PRR16: variants seen among roughly 807,000 people sequenced by gnomAD.
PRR16 encodes the protein proline rich 16, also known as protein Largen.
In PRR16, 6 loss-of-function variants were observed where a neutral mutation model predicts 18.2. The observed-to-expected ratio is 0.33, with a 90% CI of 0.18 to 0.65. The LOEUF (loss-of-function observed/expected upper bound fraction) is 0.65. PRR16 is among the 30% of genes least tolerant of loss of function. PRR16 has a pLI of 0.74. For missense variants in PRR16, 412 were observed against 376.6 expected (o/e 1.09, Z -0.78); for synonymous variants, 151 against 147.8 (o/e 1.02, Z -0.16).
chr5:120,676,018 C>G (rs1224066608), intron 1 of PRR16, among the ~76,000 whole-genome samples: 2 of 152,074 alleles, frequency 1.3e-5, no homozygotes, highest in Non-Finnish European at 2.9e-5. Flanking sequence ...TCCAAAAAAA[C>G]TTGGAAAAAA....
the PRR16 span, among the ~76,000 whole-genome samples, chr5:120,698,875 C>T: frequency 6.6e-6 from 1 of 152,040 alleles, no homozygotes; most frequent in Admixed American, 6.5e-5. Context: ...TACTAAGAGC[C>T]TGAAAAACTG....
chr5:120,790,492 G>A, the PRR16 span: 18 of 142,216 alleles, frequency 1.3e-4, no homozygotes, highest in Non-Finnish European at 2.3e-4. Flanking sequence ...GAGAAACATT[G>A]CAGCAATGCA....
At chr5:120,518,239 A>C (rs572339630) in intron 1 of PRR16, among the ~76,000 whole-genome samples, 22 of 152,246 alleles carry the variant, frequency 1.4e-4, no homozygotes, top group African/African-American at 5.3e-4. Flanking sequence ...AATACATCTT[A>C]ATTCTCATTA....
At chr5:120,779,685 A>C in the PRR16 span, among the ~76,000 whole-genome samples, 1 of 152,184 alleles carries the variant, frequency 6.6e-6, no homozygotes, top group African/African-American at 2.4e-5. Context: ...TAAATATTAG[A>C]GGGTATTTAC....
chr5:120,713,702 T>C, the PRR16 span, among the ~76,000 whole-genome samples: 1 of 152,172 alleles, frequency 6.6e-6, no homozygotes, highest in Admixed American at 6.6e-5. Context: ...CAGTAGTTTT[T>C]CCTCCTTTTC....
chr5:120,486,349 G>C (rs1454476070), intron 1 of PRR16, among the ~76,000 whole-genome samples: 1 of 150,564 alleles, frequency 6.6e-6, no homozygotes, highest in Non-Finnish European at 1.5e-5. Context: ...ATTCTAACTG[G>C]TGTCAGATGG....
chr5:120,767,262 T>C, the PRR16 span, among the ~76,000 whole-genome samples: 2 of 151,978 alleles, frequency 1.3e-5, no homozygotes, highest in African/African-American at 4.8e-5. Context: ...TCAGTCCAGA[T>C]TGCAGGATTT....
chr5:120,769,373 T>G, the PRR16 span, among the ~76,000 whole-genome samples: 2 of 149,532 alleles, frequency 1.3e-5, no homozygotes, highest in Admixed American at 1.3e-4. Context: ...ACACACAACA[T>G]GAGATCTACC....
chr5:120,725,301 TG>T, the PRR16 span, among the ~76,000 whole-genome samples: 42 of 93,996 alleles, frequency 4.5e-4, no homozygotes, highest in African/African-American at 1.4e-3. Flanking sequence ...AATTTGATGT[TG>T]TTTTTTTTTT....
the PRR16 span, among the ~76,000 whole-genome samples, chr5:120,741,130 T>A: frequency 3.0e-4 from 46 of 151,962 alleles, no homozygotes; most frequent in Non-Finnish European, 5.9e-4. Context: ...AAATTAAAAA[T>A]TTTTTTATAT....
At chr5:120,609,038 C>T (rs1754247995) in intron 1 of PRR16, among the ~76,000 whole-genome samples, 1 of 152,022 alleles carries the variant, frequency 6.6e-6, no homozygotes, top group Admixed American at 6.6e-5. Context: ...CCTAAAATGA[C>T]CACATCTTCT....
chr5:120,540,819 ACT>A (rs1751889518), intron 1 of PRR16, among the ~76,000 whole-genome samples: 1 of 151,784 alleles, frequency 6.6e-6, no homozygotes, highest in Non-Finnish European at 1.5e-5. Flanking sequence ...ATAGATCAAC[ACT>A]CTCTTTTTGC....
At chr5:120,751,663 C>G in the PRR16 span, among the ~76,000 whole-genome samples, 1 of 152,100 alleles carries the variant, frequency 6.6e-6, no homozygotes, top group East Asian at 1.9e-4. Flanking sequence ...ATTTGAATTA[C>G]TTCAAATATG....
intron 1 of PRR16, among the ~76,000 whole-genome samples, chr5:120,508,360 T>G (rs185103630): frequency 6.6e-6 from 1 of 152,218 alleles, no homozygotes; most frequent in African/African-American, 2.4e-5. Context: ...CTGAAAACAG[T>G]GTTGTTTGGG....
chr5:120,758,557 C>T, the PRR16 span, among the ~76,000 whole-genome samples: 10 of 152,094 alleles, frequency 6.6e-5, no homozygotes, highest in African/African-American at 2.4e-4. Context: ...TAGGAGGTGA[C>T]TGGATTATGG....
chr5:120,516,423 C>CAAAA (rs531146634), intron 1 of PRR16, among the ~76,000 whole-genome samples: 3 of 52,618 alleles, frequency 5.7e-5, no homozygotes, highest in Non-Finnish European at 1.3e-4. Flanking sequence ...GATTATGTCT[C>CAAAA]AAAAAAAAAA....
intron 1 of PRR16, among the ~76,000 whole-genome samples, chr5:120,655,281 C>G (rs919691538): frequency 6.6e-6 from 1 of 150,398 alleles, no homozygotes; most frequent in African/African-American, 2.4e-5. Context: ...GACATTAAGT[C>G]TATAAAATTT....
the PRR16 span, among the ~76,000 whole-genome samples, chr5:120,701,578 A>C: frequency 6.6e-6 from 1 of 152,232 alleles, no homozygotes; most frequent in Middle Eastern, 3.4e-3. Context: ...GGAGGTGATA[A>C]AAAGATTATA....
chr5:120,735,161 T>A, the PRR16 span, among the ~76,000 whole-genome samples: 1 of 152,204 alleles, frequency 6.6e-6, no homozygotes, highest in African/African-American at 2.4e-5. Context: ...GTCCTCAAAG[T>A]TCATTCATGT....
Sources: gnomAD v4.1 joint callset for allele counts (sites outside exome capture counted in the v4.1 genomes callset) on GRCh38, gnomAD v4.1.1 for gene constraint, MANE v1.5 for transcripts, NCBI Gene and HGNC (gene_info 2026-07-23, HGNC 2026-07-21) for gene names.